Variants in CAMKK1 observed in about 807,000 individuals in gnomAD.
CAMKK1 encodes the protein calcium/calmodulin-dependent protein kinase kinase 1.
Under a neutral mutation model 63.5 loss-of-function variants are expected in CAMKK1, and 20 were observed. The ratio of observed to expected loss-of-function variants is 0.32; its 90% confidence interval spans 0.22 to 0.46. The LOEUF (loss-of-function observed/expected upper bound fraction) is 0.46, where lower values mean the gene tolerates loss of function less well. Ranked by LOEUF, CAMKK1 falls within the 20% of genes least tolerant of loss-of-function variation. CAMKK1 has a pLI of 1.00. For missense variants in CAMKK1, 588 were observed against 658.1 expected, an observed-to-expected ratio of 0.89 and a Z score of 1.17; for synonymous variants, 253 against 269.0, an observed-to-expected ratio of 0.94 and a Z score of 0.58.
rs1168196384 is a variant in CAMKK1 at position 3,889,626 on chromosome 17, G to A, written c.-44+3313C>T. ...TGCCACAGCACTGTGGGGCTGGGAT[G>A]TGGCTGTGTCTAGAAGCGTCCAAGA... On this transcript the variant is annotated intron_variant, in intron 1 of 15. Transcript: ENST00000348335. The surrounding 1 kb of genome is among the most constrained non-coding windows in gnomAD (Gnocchi z 5.2). Among the ~76,000 whole-genome samples, 1 of 152,140 alleles carries A rather than the reference G, an allele frequency of 6.6e-6. No homozygotes were observed. The highest frequency in any genetic ancestry group is 1.5e-5 in the Non-Finnish European group (1 of 68,008).
chr17:3,872,461 T>C (rs555856570), intron 12 of CAMKK1, 93 bp downstream of exon 12: 1 of 1,003,290 alleles, frequency 1.0e-6, no homozygotes, highest in East Asian at 2.4e-5. Flanking sequence ...ATCTGCAGGC[T>C]GGGGTGGGGT....
chr17:3,882,560 A>G lies in CAMKK1; in HGVS notation c.653T>C (p.Leu218Pro), dbSNP rs1357299935. The change falls in exon 7 of 16, where the codon CTG becomes CCG. Residue 218 changes from leucine (L) to proline (P), a missense_variant. Leu to Pro is a moderately conservative substitution (Grantham distance 98). Coordinates refer to ENST00000348335, the MANE Select transcript of CAMKK1 (RefSeq NM_032294.3). This position sits in a 1 kb window ranked among gnomAD's most constrained non-coding sequence, Gnocchi z 4.3. ...GAGGTTGTCCTCAGCTGGGTCATCCAGGACCTGGTCAGAGGGAGCAGACAT... is the reference window on the plus strand; with the variant it reads ...GAGGTTGTCCTCAGCTGGGTCATCCGGGACCTGGTCAGAGGGAGCAGACAT... The part of the protein sequence containing the change: ...HVNVVKLIEV[L>P]DDPAEDNLYL... 6.3e-7 allele frequency: 1 copy of G among 1,593,470 alleles called. No individual in the cohort carries two copies. The highest frequency in any genetic ancestry group is 8.5e-7 in the Non-Finnish European group (1 of 1,169,618).
intron 10 of CAMKK1, among the ~76,000 whole-genome samples, chr17:3,874,400 C>G (rs2055046431): frequency 6.6e-6 from 1 of 152,036 alleles, no homozygotes. Context: ...CAGACAGAGT[C>G]TCACTCTGTC....
rs2055543817 is a variant in CAMKK1, at chr17:3,884,244, C to G, written c.408+136G>C. The G allele has an allele frequency of 2.2e-6, 2 of 928,806 alleles. No individual in the cohort carries two copies. Among genetic ancestry groups the G allele is most frequent in the Non-Finnish European group, 3.4e-6 (2 of 587,566 alleles). The allele number at this position is 928,806 out of a possible 1,614,324, so 57.5% of individuals were successfully genotyped here. A position where few individuals can be genotyped will look rare whatever the true frequency, so the allele number is the denominator to read the frequency against. ...CCCCTGGGTACCTGGGTACTTCCCA[C>G]AGGGCACGAAACTGTCCTCACCTCC... On this transcript the variant is annotated intron_variant, in intron 3 of 15. Transcript: ENST00000348335. This position sits in a 1 kb window ranked among gnomAD's most constrained non-coding sequence, Gnocchi z 4.5.
chr17:3,873,910 G>C (rs1289122676), intron 10 of CAMKK1, among the ~76,000 whole-genome samples: 4 of 152,020 alleles, frequency 2.6e-5, no homozygotes, highest in Non-Finnish European at 1.5e-5. Context: ...CCACACAGAG[G>C]CCCTGTCCTC....
Position 3,883,194 on chromosome 17 carries a change from C to T in CAMKK1, c.515-19G>A, listed in dbSNP as rs1459720809. The stretch of plus-strand genomic sequence containing the variant: ...GGGCGACCTGTGACCAGGAAGAGAA[C>T]TCAAACACCTGTTCCAGGTGGCTGG... On this transcript the variant is annotated intron_variant, in intron 5 of 15. Transcript: ENST00000348335. This position sits in a 1 kb window ranked among gnomAD's most constrained non-coding sequence, Gnocchi z 4.7. The T allele has an allele frequency of 4.4e-6, 7 of 1,607,718 alleles. No homozygotes were observed. Among genetic ancestry groups the T allele is most frequent in the African/African-American group, 4.0e-5 (3 of 74,908 alleles).
intron 14 of CAMKK1, among the ~76,000 whole-genome samples, chr17:3,867,831 A>G (rs1045169650): frequency 2.0e-5 from 3 of 152,164 alleles, no homozygotes; most frequent in Non-Finnish European, 4.4e-5. Flanking sequence ...CAGGGCTCTC[A>G]GTGGCCCCAG....
rs1191868550 is a variant in CAMKK1 at position 3,892,537 on chromosome 17, C to G, written c.-44+402G>C. ...CCCCGGCTCCTGCAGGAAGACGCTC[C>G]GGCGGGCCGTGGGAGGAGCGCTCCG... On this transcript the variant is annotated intron_variant, in intron 1 of 15. Transcript: ENST00000348335. The surrounding 1 kb of genome is among the most constrained non-coding windows in gnomAD (Gnocchi z 7.5). 6.6e-6 allele frequency among the ~76,000 whole-genome samples: 1 copy of G among 152,158 alleles called. No homozygotes were observed. The highest frequency in any genetic ancestry group is 1.5e-5 in the Non-Finnish European group (1 of 68,012).
At chr17:3,871,548 G>A (rs1477032823) in intron 12 of CAMKK1, among the ~76,000 whole-genome samples, 8 of 149,676 alleles carry the variant, frequency 5.3e-5, no homozygotes, top group East Asian at 3.9e-4. Context: ...AGTAGAGATG[G>A]GGTTTCACCG....
rs137857254 is a variant in CAMKK1, at chr17:3,886,163, G to T, written c.-43-433C>A. On this transcript the variant is annotated intron_variant, in intron 1 of 15. Transcript: ENST00000348335. ...AGCACTCCGACACTGCCTCCTGGAAGCTGAGCTAGACACTAGTAACTCAGA... is the reference window on the plus strand; with the variant it reads ...AGCACTCCGACACTGCCTCCTGGAATCTGAGCTAGACACTAGTAACTCAGA... Among the ~76,000 whole-genome samples, 79 of 152,342 alleles carry T rather than the reference G, an allele frequency of 5.2e-4. 1 individual carries two copies. Among genetic ancestry groups the T allele is most frequent in the African/African-American group, 1.9e-3 (79 of 41,578 alleles).
chr17:3,862,938 G>C lies in CAMKK1; in HGVS notation c.1446-655C>G, dbSNP rs989529476. 2.0e-5 allele frequency among the ~76,000 whole-genome samples: 3 copies of C among 152,128 alleles called. No homozygotes were observed. The highest frequency in any genetic ancestry group is 7.2e-5 in the African/African-American group (3 of 41,442). Reference sequence around the variant, plus strand: ...AGGCGTGAGCCACCGTGCCCGGCCTGAGGGCCTTCTGTGTTGACCTCAGTC... The same window carrying C: ...AGGCGTGAGCCACCGTGCCCGGCCTCAGGGCCTTCTGTGTTGACCTCAGTC... On this transcript the variant is annotated intron_variant, in intron 15 of 15. Transcript: ENST00000348335. This position sits in a 1 kb window ranked among gnomAD's most constrained non-coding sequence, Gnocchi z 4.1.
chr17:3,891,896 G>C (rs1003457326), intron 1 of CAMKK1, among the ~76,000 whole-genome samples: 1 of 152,126 alleles, frequency 6.6e-6, no homozygotes, highest in Non-Finnish European at 1.5e-5. Context: ...GGAGTGCCTC[G>C]GTTAGGTGAG....
In CAMKK1 at chr17:3,890,242, C is replaced by T. The variant is rs185305451; in HGVS notation, c.-44+2697G>A. Among the ~76,000 whole-genome samples, 298 of 152,292 alleles carry T rather than the reference C, an allele frequency of 2.0e-3. No homozygotes were observed. Among genetic ancestry groups the T allele is most frequent in the Non-Finnish European group, 3.5e-3 (236 of 68,016 alleles). ...TCAGTCCCCTTGAGGGAGGCCCAGG[C>T]GTCTGGTGCCAAGTCATGCTTGACG... On this transcript the variant is annotated intron_variant, in intron 1 of 15. Coordinates refer to ENST00000348335, the MANE Select transcript of CAMKK1 (RefSeq NM_032294.3). The surrounding 1 kb of genome is among the most constrained non-coding windows in gnomAD (Gnocchi z 6.5).
rs557299017 is a variant in CAMKK1, at chr17:3,884,534, G to A, written c.361-107C>T. On this transcript the variant is annotated intron_variant, in intron 2 of 15. Transcript: ENST00000348335. This position sits in a 1 kb window ranked among gnomAD's most constrained non-coding sequence, Gnocchi z 4.5. ...TTCTGGCCATAAGCTCCTCATTCCCGGACCCCCAGGTCTCACCAAGCTTTT... is the reference window on the plus strand; with the variant it reads ...TTCTGGCCATAAGCTCCTCATTCCCAGACCCCCAGGTCTCACCAAGCTTTT... 1.9e-4 allele frequency: 190 copies of A among 1,013,836 alleles called. 3 individuals are homozygous for A. In the South Asian group the frequency reaches 2.2e-3, roughly 12 times the overall value. The allele number at this position is 1,013,836 out of a possible 1,614,324, so 62.8% of individuals were successfully genotyped here.
chr17:3,873,377 GC>G, intron 11 of CAMKK1, 31 bp downstream of exon 11: 1 of 1,610,874 alleles, frequency 6.2e-7, no homozygotes, highest in Non-Finnish European at 8.5e-7. Context: ...CACTGGACCC[GC>G]CCCAGCTCTG....
chr17:3,888,632 G>A (rs939558360), intron 1 of CAMKK1, among the ~76,000 whole-genome samples: 25 of 152,370 alleles, frequency 1.6e-4, no homozygotes, highest in South Asian at 6.2e-4. Context: ...GTTGTTGTGC[G>A]GCTGCTGTTG....
At chr17:3,868,113 T>C (rs1298753842) in intron 14 of CAMKK1, among the ~76,000 whole-genome samples, 8 of 54,328 alleles carry the variant, frequency 1.5e-4, no homozygotes, top group East Asian at 7.8e-4. Flanking sequence ...GCAGGCGCCG[T>C]CTAACTGATA....
chr17:3,883,006 G>A lies in CAMKK1; in HGVS notation c.648+36C>T. Reference sequence around the variant, plus strand: ...CCAGAAGCGGCTCCCATGAGACTCAGGTGCTGGTTCCCACCTGCTCACCAC... The same window carrying A: ...CCAGAAGCGGCTCCCATGAGACTCAAGTGCTGGTTCCCACCTGCTCACCAC... On this transcript the variant is annotated intron_variant, in intron 6 of 15. Coordinates refer to ENST00000348335, the MANE Select transcript of CAMKK1 (RefSeq NM_032294.3). The surrounding 1 kb of genome is among the most constrained non-coding windows in gnomAD (Gnocchi z 4.7). 1 of 1,609,458 alleles carries A rather than the reference G, an allele frequency of 6.2e-7. No homozygotes were observed. The highest frequency in any genetic ancestry group is 2.2e-5 in the East Asian group (1 of 44,790).
At chr17:3,875,461 T>A (rs920712653) in intron 10 of CAMKK1, among the ~76,000 whole-genome samples, 10 of 152,048 alleles carry the variant, frequency 6.6e-5, no homozygotes, top group Non-Finnish European at 1.3e-4. Context: ...TTTTTATTTT[T>A]TTTTTTGTAG....
Sources: gnomAD v4.1 joint callset for allele counts (sites outside exome capture counted in the v4.1 genomes callset) on GRCh38, gnomAD v4.1.1 for gene constraint, Gnocchi (gnomAD v3.1) non-coding constraint, MANE v1.5 for transcripts, NCBI Gene and HGNC (gene_info 2026-07-23, HGNC 2026-07-21) for gene names.